Variants in LTBP1 observed in about 807,000 individuals in gnomAD.
The protein encoded by LTBP1 is latent transforming growth factor beta binding protein 1.
LTBP1 carries 129 observed loss-of-function variants against 207.6 expected under a neutral mutation model. That is an observed-to-expected ratio of 0.62 (90% CI 0.54 to 0.72). LTBP1 has a LOEUF of 0.72. LTBP1 is among the 30% of genes least tolerant of loss of function. The probability of loss-of-function intolerance (pLI) is 0.00; values close to 1 mark genes in which losing one functional copy is unlikely to be tolerated. For synonymous variants in LTBP1, 963 were observed against 833.7 expected (o/e 1.16, Z -2.67); for missense variants, 2,281 against 2,217.2 (o/e 1.03, Z -0.58).
At chr2:33,179,595 A>G (rs726429) in intron 5 of LTBP1, among the ~76,000 whole-genome samples, 66,657 of 151,452 alleles carry the variant, frequency 0.44, 15,337 homozygotes, top group Non-Finnish European at 0.5. Flanking sequence ...TCATATGTAA[A>G]AGAAAATCCC....
chr2:33,270,818 A>G (rs1046976742), intron 15 of LTBP1, among the ~76,000 whole-genome samples: 12 of 152,164 alleles, frequency 7.9e-5, no homozygotes, highest in African/African-American at 2.9e-4. Flanking sequence ...ATCCTGACAG[A>G]CATGTTCAGC....
At chr2:32,966,296 G>C (rs1049309605) in intron 2 of LTBP1, among the ~76,000 whole-genome samples, 3 of 152,034 alleles carry the variant, frequency 2.0e-5, no homozygotes, top group Non-Finnish European at 4.4e-5. Context: ...ATTCTTCTCA[G>C]TGTCTTTTTC....
rs1442879482 is a variant in LTBP1 at position 33,300,553 on chromosome 2, C to T, written c.3338C>T (p.Ala1113Val). The T allele has an allele frequency of 6.2e-7, 1 of 1,613,346 alleles. No homozygotes were observed. The highest frequency in any genetic ancestry group is 1.1e-5 in the South Asian group (1 of 91,018). ...CTCGQGYQLS[A>V]AKDQCEDIDE... The stretch of plus-strand genomic sequence containing the variant: ...TGTGGACAGGGGTACCAGCTGTCGG[C>T]AGCTAAAGACCAGTGTGAAGGTAAG... The change falls in exon 21 of 34, where the codon GCA becomes GTA. Residue 1113 changes from alanine to valine, a missense_variant. Coordinates refer to ENST00000404816, the MANE Select transcript of LTBP1 (RefSeq NM_206943.4).
intron 4 of LTBP1, among the ~76,000 whole-genome samples, chr2:33,126,136 G>A (rs1051749402): frequency 1.3e-5 from 2 of 152,058 alleles, no homozygotes; most frequent in Admixed American, 6.6e-5. Context: ...TGGCTTCCCC[G>A]AGAGTGAGTG....
chr2:33,025,593 A>G (rs1479625519), intron 3 of LTBP1, among the ~76,000 whole-genome samples: 2 of 152,380 alleles, frequency 1.3e-5, no homozygotes, highest in South Asian at 2.1e-4. Flanking sequence ...TAGAACAATC[A>G]TGAACATGCT....
intron 18 of LTBP1, among the ~76,000 whole-genome samples, chr2:33,278,921 T>C (rs2093501515): frequency 1.3e-5 from 2 of 152,214 alleles, no homozygotes; most frequent in African/African-American, 4.8e-5. Context: ...ATATCATCTT[T>C]AACTTTTTCA....
At chr2:33,132,560 A>G (rs749591506) in intron 4 of LTBP1, among the ~76,000 whole-genome samples, 8 of 152,302 alleles carry the variant, frequency 5.3e-5, no homozygotes, top group Middle Eastern at 3.4e-3. Context: ...CTTTGTAGAA[A>G]AAGTTTGCTA....
chr2:33,206,785 C>T (rs2089918017), intron 7 of LTBP1, among the ~76,000 whole-genome samples: 1 of 151,288 alleles, frequency 6.6e-6, no homozygotes, highest in Admixed American at 6.6e-5. Flanking sequence ...CATTTATGTT[C>T]ATCATTTTGG....
In LTBP1 at chr2:33,280,084, G is replaced by A. The variant is rs1343268597; in HGVS notation, c.3038G>A (p.Cys1013Tyr). ...LNPSTCPDEQ[C>Y]VNSPGSYQCV... ...CCAAGCACTTGTCCAGATGAGCAGT[G>A]TGTGAATTCTCCTGGATCTTACCAG... is the stretch of plus-strand genomic sequence containing the variant. The change falls in exon 19 of 34, where the codon TGT (cysteine) becomes TAT (tyrosine). Residue 1013 changes from cysteine (C) to tyrosine (Y), a missense_variant. Cys to Tyr is a radical substitution (Grantham distance 194). Around this residue, in one of 3 missense-constraint regions of LTBP1, gnomAD observed 1,671 missense variants for 1,634.8 expected, o/e 1.02. Coordinates refer to ENST00000404816, the MANE Select transcript of LTBP1 (RefSeq NM_206943.4). 6.2e-7 allele frequency: 1 copy of A among 1,614,030 alleles called. No homozygotes were observed. The highest frequency in any genetic ancestry group is 8.5e-7 in the Non-Finnish European group (1 of 1,180,006).
intron 5 of LTBP1, among the ~76,000 whole-genome samples, chr2:33,156,292 T>C (rs2083968414): frequency 6.6e-6 from 1 of 152,224 alleles, no homozygotes. Flanking sequence ...GTCTCATAGC[T>C]AACTCTGTGC....
At chr2:32,992,310 C>T (rs1190565268) in intron 2 of LTBP1, among the ~76,000 whole-genome samples, 1 of 152,030 alleles carries the variant, frequency 6.6e-6, no homozygotes, top group Non-Finnish European at 1.5e-5. Flanking sequence ...CTCAGCTGTG[C>T]TAGAAGAGCT....
At chr2:33,344,859 C>T (rs190739223) in intron 25 of LTBP1, among the ~76,000 whole-genome samples, 1 of 152,228 alleles carries the variant, frequency 6.6e-6, no homozygotes, top group East Asian at 1.9e-4. Flanking sequence ...GATGTTGAAC[C>T]ATACCTGGAA....
At chr2:33,307,926 G>T (rs1373695501) in intron 22 of LTBP1, among the ~76,000 whole-genome samples, 1 of 152,140 alleles carries the variant, frequency 6.6e-6, no homozygotes, top group Non-Finnish European at 1.5e-5. Context: ...GATTCTAGGA[G>T]AAAAATGAAA....
intron 5 of LTBP1, among the ~76,000 whole-genome samples, chr2:33,143,583 A>G (rs2082797157): frequency 1.3e-5 from 2 of 152,220 alleles, no homozygotes; most frequent in Admixed American, 6.5e-5. Context: ...AGCAATTTAC[A>G]TGGAGCTTTA....
chr2:33,100,700 C>G (rs114415135), intron 3 of LTBP1, among the ~76,000 whole-genome samples: 79 of 152,274 alleles, frequency 5.2e-4, no homozygotes, highest in African/African-American at 1.8e-3. Flanking sequence ...TTCTCTCTCT[C>G]TCTCCCCCAA....
chr2:33,301,105 T>G (rs2093981567), intron 21 of LTBP1, among the ~76,000 whole-genome samples: 1 of 152,184 alleles, frequency 6.6e-6, no homozygotes, highest in African/African-American at 2.4e-5. Flanking sequence ...GGATTCTGGA[T>G]TTGCTAGGGT....
At chr2:33,158,643 C>G (rs907307658) in intron 5 of LTBP1, among the ~76,000 whole-genome samples, 1 of 152,096 alleles carries the variant, frequency 6.6e-6, no homozygotes, top group Non-Finnish European at 1.5e-5. Context: ...TTGTGGTTGT[C>G]GAAGGAGGCA....
chr2:33,397,502 A>T lies in LTBP1; in HGVS notation c.4984+220A>T, dbSNP rs574781997. On this transcript the variant is annotated intron_variant, in intron 33 of 33. Transcript: ENST00000404816. ...AAATATGTTCTGTGTATTTTACCAC[A>T]ATTCTTTTTTTTTTTTTTTTTTGAG... Among the ~76,000 whole-genome samples the T allele has an allele frequency of 2.4e-4, 22 of 90,486 alleles. No individual in the cohort carries two copies. In the East Asian group the frequency reaches 5.5e-3, roughly 23 times the overall value. The allele number at this position is 90,486 out of a possible 152,430, so 59.4% of individuals were successfully genotyped here. A position where few individuals can be genotyped will look rare whatever the true frequency, so the allele number is the denominator to read the frequency against.
chr2:33,184,787 T>G (rs1035636555), intron 5 of LTBP1, among the ~76,000 whole-genome samples: 2 of 152,026 alleles, frequency 1.3e-5, no homozygotes, highest in South Asian at 2.1e-4. Context: ...TTCTGTTTTT[T>G]TTTTTTTTTT....
Sources: gnomAD v4.1 joint callset for allele counts (sites outside exome capture counted in the v4.1 genomes callset) on GRCh38, gnomAD v4.1.1 for gene constraint, gnomAD v4.1.1 regional missense constraint, MANE v1.5 for transcripts, NCBI Gene and HGNC (gene_info 2026-07-23, HGNC 2026-07-21) for gene names.